GLIS3: variants seen among roughly 807,000 people sequenced by gnomAD.
GLIS3 encodes the protein zinc finger protein GLIS3.
In GLIS3, 53 loss-of-function variants were observed where a neutral mutation model predicts 78.6. The observed-to-expected ratio is 0.67, with a 90% CI of 0.54 to 0.85. The LOEUF is 0.85. Ranked by LOEUF, GLIS3 falls within the 40% of genes least tolerant of loss-of-function variation. GLIS3 has a pLI of 0.00. For missense variants in GLIS3, 1,703 were observed against 1,231.1 expected, an observed-to-expected ratio of 1.38 and a Z score of -5.74; for synonymous variants, 684 against 509.9, an observed-to-expected ratio of 1.34 and a Z score of -4.60.
At chr9:4,349,861 G>C (rs965630006), upstream of GLIS3, among the ~76,000 whole-genome samples, 1 of 152,230 alleles carries the variant, frequency 6.6e-6, no homozygotes, top group African/African-American at 2.4e-5. Context: ...TTGGTCATTA[G>C]CCTTCAGTTT....
chr9:4,281,555 G>T (rs1343988900), intron 2 of GLIS3, among the ~76,000 whole-genome samples: 1 of 152,146 alleles, frequency 6.6e-6, no homozygotes, highest in Non-Finnish European at 1.5e-5. Flanking sequence ...TGTGACTGGT[G>T]CATTTCATTT....
At chr9:4,417,460 T>C in the GLIS3 span, among the ~76,000 whole-genome samples, 1 of 152,228 alleles carries the variant, frequency 6.6e-6, no homozygotes, top group Non-Finnish European at 1.5e-5. Flanking sequence ...ATCTTGGCAG[T>C]CTTTTCATAT....
Position 3,828,311 on chromosome 9 carries a change from G to C in GLIS3, c.2754C>G (p.Arg918=). The C allele has an allele frequency of 6.2e-7, 1 of 1,614,112 alleles. No homozygotes were observed. The highest frequency in any genetic ancestry group is 1.3e-5 in the African/African-American group (1 of 75,046). Residue 918 remains arginine, a synonymous_variant, in exon 11 of 11, where the codon CGC becomes CGG. Transcript: ENST00000381971. The stretch of plus-strand genomic sequence containing the variant: ...AGACAGAGGAGAGCTGGCTAGGACA[G>C]CGGTCCACGGTGCTGATCTGCAAGA... ...ATFLQISTVD[R]CPSQLSSVYT...
intron 4 of GLIS3, among the ~76,000 whole-genome samples, chr9:3,980,982 C>T (rs889412653): frequency 5.3e-5 from 8 of 152,178 alleles, no homozygotes; most frequent in East Asian, 1.9e-4. Context: ...GCAAGCTCTA[C>T]GCTGCTCTGC....
chr9:3,929,881 CT>C (rs1248319208), intron 6 of GLIS3, among the ~76,000 whole-genome samples: 3 of 151,728 alleles, frequency 2.0e-5, no homozygotes, highest in African/African-American at 4.8e-5. Context: ...TTTATTGTTT[CT>C]TTTTTTTAAT....
intron 9 of GLIS3, among the ~76,000 whole-genome samples, chr9:3,849,658 A>C (rs1819297095): frequency 6.6e-6 from 1 of 152,200 alleles, no homozygotes; most frequent in African/African-American, 2.4e-5. Flanking sequence ...CTGTAATCCC[A>C]GCACTTTGGG....
chr9:4,473,454 C>CACCAAAAAA, the GLIS3 span, among the ~76,000 whole-genome samples: 58 of 58,858 alleles, frequency 9.9e-4, 9 homozygotes, highest in Non-Finnish European at 1.9e-3. Context: ...TCAACAACAA[C>CACCAAAAAA]AACAACAAAA....
At chr9:4,345,867 G>A (rs1817891439) in intron 2 of GLIS3, among the ~76,000 whole-genome samples, 1 of 152,150 alleles carries the variant, frequency 6.6e-6, no homozygotes, top group South Asian at 2.1e-4. Flanking sequence ...TTTTTTTCTT[G>A]TTGTTTTAAG....
the GLIS3 span, among the ~76,000 whole-genome samples, chr9:4,407,117 T>C: frequency 6.6e-6 from 1 of 152,146 alleles, no homozygotes; most frequent in African/African-American, 2.4e-5. Context: ...TGGAACAGAA[T>C]GGAGAACCCA....
the GLIS3 span, among the ~76,000 whole-genome samples, chr9:4,486,619 C>G: frequency 6.6e-6 from 1 of 152,168 alleles, no homozygotes; most frequent in Non-Finnish European, 1.5e-5. Flanking sequence ...TATGCCTTTT[C>G]TCCTATTAAT....
chr9:4,094,774 G>A (rs1588659183), intron 4 of GLIS3, among the ~76,000 whole-genome samples: 1 of 152,122 alleles, frequency 6.6e-6, no homozygotes, highest in African/African-American at 2.4e-5. Context: ...TCTTAGATCC[G>A]ATGGCTTATT....
At chr9:4,326,409 A>G (rs553691653) in intron 2 of GLIS3, among the ~76,000 whole-genome samples, 15 of 152,234 alleles carry the variant, frequency 9.9e-5, no homozygotes, top group Non-Finnish European at 1.8e-4. Flanking sequence ...ATGCTACAAC[A>G]TGGACACATC....
At chr9:4,239,297 C>G (rs1258932484) in intron 2 of GLIS3, among the ~76,000 whole-genome samples, 1 of 150,980 alleles carries the variant, frequency 6.6e-6, no homozygotes, top group African/African-American at 2.4e-5. Flanking sequence ...TGCACATGTA[C>G]CCTAAAACTT....
intron 1 of GLIS3, chr9:4,298,319 C>T: frequency 2.2e-6 from 1 of 455,514 alleles, no homozygotes; most frequent in South Asian, 1.6e-5. Context: ...CAAACACCTC[C>T]AGCAAGTCGG....
intron 4 of GLIS3, among the ~76,000 whole-genome samples, chr9:4,072,936 C>G (rs1003683171): frequency 6.6e-6 from 1 of 151,770 alleles, no homozygotes; most frequent in Non-Finnish European, 1.5e-5. Flanking sequence ...TAAAACAACT[C>G]TTAAATAAAA....
At chr9:3,898,960 G>GT in intron 6 of GLIS3, 125 bp from the exon 7 acceptor site, 1 of 1,147,970 alleles carries the variant, frequency 8.7e-7, no homozygotes, top group Non-Finnish European at 1.3e-6. Context: ...GCAACTACGG[G>GT]TAAGGCACAG....
chr9:3,942,968 A>C (rs1027907003), intron 4 of GLIS3, among the ~76,000 whole-genome samples: 5 of 152,338 alleles, frequency 3.3e-5, no homozygotes, highest in Middle Eastern at 3.4e-3. Context: ...GAAACAGTTA[A>C]ATCTAATTTT....
intron 4 of GLIS3, among the ~76,000 whole-genome samples, chr9:4,083,604 C>A: frequency 6.6e-6 from 1 of 152,138 alleles, no homozygotes; most frequent in East Asian, 1.9e-4. Flanking sequence ...TAGTTAAAAT[C>A]GGAGTTATTT....
At chr9:3,836,238 G>C (rs753179789) in intron 9 of GLIS3, among the ~76,000 whole-genome samples, 37 of 152,340 alleles carry the variant, frequency 2.4e-4, no homozygotes, top group Middle Eastern at 3.4e-3. Flanking sequence ...CAGCGGCAGA[G>C]GCAGAATTGG....
Sources: gnomAD v4.1 joint callset for allele counts (sites outside exome capture counted in the v4.1 genomes callset) on GRCh38, gnomAD v4.1.1 for gene constraint, MANE v1.5 for transcripts, NCBI Gene and HGNC (gene_info 2026-07-23, HGNC 2026-07-21) for gene names.